RMND1: variants seen among roughly 807,000 people sequenced by gnomAD.
RMND1 encodes required for meiotic nuclear division protein 1 homolog.
In RMND1, 41 loss-of-function variants were observed where a neutral mutation model predicts 54.0. The ratio of observed to expected loss-of-function variants is 0.76; its 90% CI spans 0.59 to 0.98. The LOEUF (loss-of-function observed/expected upper bound fraction) is 0.98. Ranked by LOEUF, RMND1 falls within the 50% of genes least tolerant of loss-of-function variation. The probability of loss-of-function intolerance (pLI) is 0.00; values close to 1 mark genes in which losing one functional copy is unlikely to be tolerated. For synonymous variants in RMND1, 183 were observed against 181.7 expected (o/e 1.01, Z -0.06); for missense variants, 457 against 532.0 (o/e 0.86, Z 1.39).
chr6:151,444,805 C>T (rs1780902963), intron 2 of RMND1, among the ~76,000 whole-genome samples: 1 of 151,922 alleles, frequency 6.6e-6, no homozygotes, highest in African/African-American at 2.4e-5. Context: ...TAAAAAATAC[C>T]CCCTTAAACC....
intron 9 of RMND1, 170 bp downstream of exon 9, chr6:151,421,075 C>A: frequency 1.7e-6 from 1 of 574,032 alleles, no homozygotes; most frequent in Non-Finnish European, 3.1e-6. Context: ...CTTAACACAG[C>A]CCAACTACTT....
At position 151,449,650 on chromosome 6, in the gene RMND1, TCCCTCTCCCCACGGTCC is replaced by T. The variant is rs759838860; in HGVS notation, c.-15+2349_-15+2365del. Among the ~76,000 whole-genome samples, 322 of 151,648 alleles carry T rather than the reference TCCCTCTCCCCACGGTCC, an allele frequency of 2.1e-3. 1 individual carries two copies. The highest frequency in any genetic ancestry group is 3.2e-3 in the Non-Finnish European group (218 of 67,930). ...ACCAGCCCTCTCCCTCTCCCTCCTC[TCCCTCTCCCCACGGTCC>T]CCCTCTCCCCACGGTCTCCCTCTGA... On this transcript the variant is annotated intron_variant, in intron 1 of 11. Coordinates refer to ENST00000444024, the MANE Select transcript of RMND1 (RefSeq NM_017909.4).
chr6:151,447,156 A>G (rs1260496223), intron 1 of RMND1, among the ~76,000 whole-genome samples: 1 of 152,160 alleles, frequency 6.6e-6, no homozygotes, highest in African/African-American at 2.4e-5. Flanking sequence ...ATGGAGTCCT[A>G]TTCATCTCCC....
Position 151,445,437 on chromosome 6 carries a change from C to G in RMND1, c.375G>C (p.Arg125Ser), listed in dbSNP as rs746972778. 2.5e-6 allele frequency: 4 copies of G among 1,614,116 alleles called. No individual in the cohort carries two copies. The East Asian group carries it at 8.9e-5, about 36-fold the overall frequency. Residue 125 changes from arginine to serine, a missense_variant, in exon 2 of 12, where the codon AGG becomes AGC. Coordinates refer to ENST00000444024, the MANE Select transcript of RMND1 (RefSeq NM_017909.4). The stretch of plus-strand genomic sequence containing the variant: ...TTTCCGTTGATACAGATGAGAAATG[C>G]CTCTTTAATATTTTTATAAACCATT... ...GSKWFIKILK[R>S]HFSSVSTETF...
chr6:151,449,348 G>T (rs1437003987), intron 1 of RMND1, among the ~76,000 whole-genome samples: 2 of 146,466 alleles, frequency 1.4e-5, no homozygotes, highest in Admixed American at 1.4e-4. Flanking sequence ...AAGTCTGGGC[G>T]ACAGAGTGAG....
chr6:151,444,952 TTGA>T (rs1401682356), intron 2 of RMND1: 2 of 178,688 alleles, frequency 1.1e-5, no homozygotes, highest in Non-Finnish European at 2.3e-5. Flanking sequence ...TTTTTTTAAC[TTGA>T]TGAAGAATTT....
At chr6:151,438,166 AGG>A (rs1780666795) in intron 2 of RMND1, among the ~76,000 whole-genome samples, 1 of 152,206 alleles carries the variant, frequency 6.6e-6, no homozygotes, top group Non-Finnish European at 1.5e-5. Flanking sequence ...GTTCTTTTTA[AGG>A]CTTCATGGAG....
intron 2 of RMND1, among the ~76,000 whole-genome samples, chr6:151,438,810 C>T (rs554790277): frequency 4.2e-4 from 49 of 117,720 alleles, no homozygotes; most frequent in African/African-American, 1.1e-3. Context: ...TTTTTTTTTT[C>T]CAAAAAAAAC....
intron 2 of RMND1, among the ~76,000 whole-genome samples, chr6:151,438,029 C>T (rs1780662024): frequency 6.6e-6 from 1 of 152,140 alleles, no homozygotes; most frequent in South Asian, 2.1e-4. Flanking sequence ...TAATTCCTTC[C>T]AAATTAGCTA....
At chr6:151,444,298 C>T (rs967258422) in intron 2 of RMND1, among the ~76,000 whole-genome samples, 9 of 152,224 alleles carry the variant, frequency 5.9e-5, no homozygotes, top group Non-Finnish European at 1.3e-4. Context: ...TACCCCAAAG[C>T]TCCAGCAAAA....
In RMND1 at chr6:151,445,788, G is replaced by A. The variant is rs750159620; in HGVS notation, c.24C>T (p.Ala8=). The change falls in exon 2 of 12, where the codon GCC becomes GCT. Residue 8 remains alanine (A), a synonymous_variant. Coordinates refer to ENST00000444024, the MANE Select transcript of RMND1 (RefSeq NM_017909.4). ...ATAATATATGATGAGATCTGGCCACGGCTCTGAGGAGTGTGGCTGGCATTA... is the reference window on the plus strand; with the variant it reads ...ATAATATATGATGAGATCTGGCCACAGCTCTGAGGAGTGTGGCTGGCATTA... MPATLLR[A]VARSHHILSK... is the part of the protein sequence containing the mutation. The A allele has an allele frequency of 8.7e-6, 14 of 1,608,740 alleles. No individual in the cohort carries two copies. The highest frequency in any genetic ancestry group is 2.2e-5 in the South Asian group (2 of 90,970).
intron 3 of RMND1, 135 bp from the exon 4 acceptor site, chr6:151,433,365 A>T (rs535385216): frequency 2.0e-6 from 1 of 488,750 alleles, no homozygotes; most frequent in South Asian, 4.0e-5. Flanking sequence ...CACAATCACC[A>T]TCTTTCTACT....
At chr6:151,446,575 C>A (rs1780960100) in intron 1 of RMND1, among the ~76,000 whole-genome samples, 1 of 152,000 alleles carries the variant, frequency 6.6e-6, no homozygotes, top group Non-Finnish European at 1.5e-5. Context: ...GAATTTCCCC[C>A]TTATTTACAG....
intron 6 of RMND1, among the ~76,000 whole-genome samples, chr6:151,426,094 A>G (rs1050102317): frequency 5.9e-5 from 9 of 151,630 alleles, no homozygotes; most frequent in East Asian, 3.9e-4. Context: ...GATCACAGAC[A>G]CTCGCCACTA....
intron 10 of RMND1, among the ~76,000 whole-genome samples, chr6:151,414,807 A>C (rs2114925159): frequency 6.6e-6 from 1 of 152,320 alleles, no homozygotes; most frequent in South Asian, 2.1e-4. Context: ...AATGATAATA[A>C]AAGATAAAAT....
At chr6:151,422,672 T>G (rs1780186431) in intron 7 of RMND1, 67 bp from the exon 8 acceptor site, 5 of 670,098 alleles carry the variant, frequency 7.5e-6, no homozygotes, top group Non-Finnish European at 1.2e-5. Context: ...AAATACATAA[T>G]TGCACAGCAT....
chr6:151,427,609 AATC>A (rs1435191183), intron 5 of RMND1, 27 bp from the exon 6 acceptor site: 4 of 1,408,866 alleles, frequency 2.8e-6, no homozygotes, highest in Non-Finnish European at 4.0e-6. Flanking sequence ...ATTAATCTGA[AATC>A]ATAACTGACT....
intron 2 of RMND1, chr6:151,436,842 A>T (rs1224462894): frequency 4.0e-6 from 1 of 248,382 alleles, no homozygotes; most frequent in Non-Finnish European, 7.9e-6. Context: ...TCTCAAGCAC[A>T]GATTGAATGC....
chr6:151,433,317 T>C, intron 3 of RMND1, 87 bp from the exon 4 acceptor site: 1 of 768,090 alleles, frequency 1.3e-6, no homozygotes, highest in East Asian at 2.6e-5. Flanking sequence ...ATAAAGTACT[T>C]AAGATCATTT....
Sources: allele counts gnomAD v4.1 joint callset (sites outside exome capture counted in the v4.1 genomes callset), GRCh38; gene constraint gnomAD v4.1.1; transcripts MANE v1.5; gene names NCBI Gene and HGNC (gene_info 2026-07-23, HGNC 2026-07-21).